INTS3: variants seen among roughly 807,000 people sequenced by gnomAD.
INTS3 encodes integrator complex subunit 3.
Under a neutral mutation model 146.3 loss-of-function variants are expected in INTS3, and 34 were observed. The observed-to-expected ratio is 0.23, with a 90% CI of 0.18 to 0.31. INTS3 has a LOEUF of 0.31. Ranked by LOEUF, INTS3 falls within the 10% of genes least tolerant of loss-of-function variation. INTS3 has a pLI of 1.00. For missense variants in INTS3, 757 were observed against 1,304.2 expected (o/e 0.58, Z 6.46); for synonymous variants, 475 against 494.9 (o/e 0.96, Z 0.53).
At chr1:153,732,310 T>C (rs1671097552) in intron 1 of INTS3, among the ~76,000 whole-genome samples, 1 of 152,186 alleles carries the variant, frequency 6.6e-6, no homozygotes, top group African/African-American at 2.4e-5. Flanking sequence ...GTGAGGAGTC[T>C]CCAGGGACTG....
intron 13 of INTS3, chr1:153,761,172 G>T: frequency 1.1e-6 from 1 of 914,660 alleles, no homozygotes; most frequent in Non-Finnish European, 1.6e-6. Flanking sequence ...GGTCCAGTTA[G>T]ACTGATTGTG....
In INTS3 at chr1:153,754,621, TC is replaced by T; in HGVS notation, c.860-18del. On this transcript the variant is annotated intron_variant, in intron 8 of 29. Transcript: ENST00000318967. ...GGTCCTTAGGCTTCCTCTTTTCTCT[TC>T]CCTTCCACATTTGATTCAGGTATCC... The T allele has an allele frequency of 6.5e-7, 1 of 1,529,444 alleles. No homozygotes were observed. Among genetic ancestry groups the T allele is most frequent in the South Asian group, 1.1e-5 (1 of 89,282 alleles). 94.7% of individuals were successfully genotyped at this position (1,529,444 alleles called of 1,614,324 possible).
At chr1:153,730,078 A>G (rs1191137426) in intron 1 of INTS3, among the ~76,000 whole-genome samples, 1 of 152,150 alleles carries the variant, frequency 6.6e-6, no homozygotes, top group East Asian at 1.9e-4. Flanking sequence ...TAGATTTGAA[A>G]AAATGGGTCA....
intron 6 of INTS3, among the ~76,000 whole-genome samples, chr1:153,748,991 T>C (rs1460166968): frequency 1.3e-5 from 2 of 152,184 alleles, no homozygotes; most frequent in African/African-American, 4.8e-5. Context: ...AAAAACTGGC[T>C]TCATCTGATA....
At chr1:153,735,029 G>A (rs1304187272) in intron 1 of INTS3, among the ~76,000 whole-genome samples, 1 of 152,116 alleles carries the variant, frequency 6.6e-6, no homozygotes, top group Non-Finnish European at 1.5e-5. Flanking sequence ...GTGCAGTGGC[G>A]TGATCATGGC....
chr1:153,736,915 C>T (rs959165630), intron 1 of INTS3, among the ~76,000 whole-genome samples: 1 of 151,958 alleles, frequency 6.6e-6, no homozygotes, highest in Admixed American at 6.6e-5. Context: ...AGGCGCCTGC[C>T]ACCATGCCCG....
intron 1 of INTS3, among the ~76,000 whole-genome samples, chr1:153,729,122 T>C (rs1018671753): frequency 5.9e-5 from 9 of 152,206 alleles, no homozygotes; most frequent in Non-Finnish European, 1.3e-4. Context: ...TGTTTCAGAC[T>C]TAGGTCAATA....
intron 3 of INTS3, among the ~76,000 whole-genome samples, chr1:153,743,606 C>T (rs1449607062): frequency 3.5e-5 from 2 of 56,592 alleles, no homozygotes; most frequent in Non-Finnish European, 5.0e-5. Context: ...TCACTTGTAC[C>T]TTCTTGATTT....
At chr1:153,738,924 G>T in intron 1 of INTS3, among the ~76,000 whole-genome samples, 1 of 144,046 alleles carries the variant, frequency 6.9e-6, no homozygotes, top group Non-Finnish European at 1.5e-5. Flanking sequence ...ACAGTGTCTC[G>T]CTCTTGTCAT....
At position 153,762,773 on chromosome 1, in the gene INTS3, C is replaced by T. The variant is rs748920591; in HGVS notation, c.1562C>T (p.Ser521Leu). 13 of 1,613,916 alleles carry T rather than the reference C, an allele frequency of 8.1e-6. No individual in the cohort carries two copies. The Admixed American group carries it at 1.7e-4, about 21-fold the overall frequency. ...PVSMEMDNHM[S>L]DKDESCYDNA... ...TCCATGGAGATGGACAACCATATGT[C>T]GGATAAGGATGAGAGTTGCTATGAC... The change falls in exon 15 of 30, where the codon TCG becomes TTG. Residue 521 changes from serine (S) to leucine (L), a missense_variant. Coordinates refer to ENST00000318967, the MANE Select transcript of INTS3 (RefSeq NM_023015.5).
At chr1:153,770,344 A>C in intron 24 of INTS3, 33 bp downstream of exon 24, 1 of 1,273,748 alleles carries the variant, frequency 7.9e-7, no homozygotes, top group Non-Finnish European at 1.2e-6. Flanking sequence ...AGCACATCAG[A>C]TATGACACTT....
chr1:153,758,337 C>G (rs752405520), intron 10 of INTS3, among the ~76,000 whole-genome samples: 3 of 152,194 alleles, frequency 2.0e-5, no homozygotes, highest in Non-Finnish European at 4.4e-5. Context: ...GATATGACAA[C>G]AGGCTATTCC....
In INTS3 at chr1:153,759,934, A is replaced by G. The variant is rs559715135; in HGVS notation, c.1237+321A>G. The G allele has an allele frequency of 2.0e-5, 10 of 492,270 alleles. No homozygotes were observed. In the East Asian group the frequency reaches 2.8e-4, roughly 14 times the overall value. 30.5% of individuals were successfully genotyped at this position (492,270 alleles called of 1,614,324 possible). On this transcript the variant is annotated intron_variant, in intron 11 of 29. Coordinates refer to ENST00000318967, the MANE Select transcript of INTS3 (RefSeq NM_023015.5). Reference sequence around the variant, plus strand: ...CCCTTCTCAAAGCTGAATGCTGGGAACAAGAAGGGAAATGAGGGCTACAAG... The same window carrying G: ...CCCTTCTCAAAGCTGAATGCTGGGAGCAAGAAGGGAAATGAGGGCTACAAG...
intron 1 of INTS3, among the ~76,000 whole-genome samples, chr1:153,736,106 G>A (rs1196035193): frequency 2.0e-5 from 3 of 152,158 alleles, no homozygotes; most frequent in Admixed American, 6.6e-5. Flanking sequence ...TATAGGAGGT[G>A]GACTAGGTAA....
rs1157794937 is a variant in INTS3, at chr1:153,772,617, G to A, written c.2822-22G>A. 1 of 1,614,116 alleles carries A rather than the reference G, an allele frequency of 6.2e-7. No homozygotes were observed. Among genetic ancestry groups the A allele is most frequent in the East Asian group, 2.2e-5 (1 of 44,874 alleles). On this transcript the variant is annotated intron_variant, in intron 27 of 29. Transcript: ENST00000318967. This position sits in a 1 kb window ranked among gnomAD's most constrained non-coding sequence, Gnocchi z 4.6. ...GACATCTGATTGTTTTTCCTTCCCT[G>A]CTCTCCCTTTTCTTCCTCTAGTTTT...
intron 16 of INTS3, 87 bp downstream of exon 16, chr1:153,763,449 T>C: frequency 7.0e-7 from 1 of 1,434,196 alleles, no homozygotes; most frequent in East Asian, 2.3e-5. Context: ...GAGATGGGGG[T>C]TGGAGGCAAA....
chr1:153,757,541 A>G lies in INTS3; in HGVS notation c.958-31A>G, dbSNP rs1285225510. 25 of 1,604,364 alleles carry G rather than the reference A, an allele frequency of 1.6e-5. No individual in the cohort carries two copies. The Admixed American group carries it at 3.5e-4, about 23-fold the overall frequency. ...GGCCAAGGACCCCACACTGTCTTCT[A>G]AGGTCTTTTTCTTGCTTCCCCTTTC... On this transcript the variant is annotated intron_variant, in intron 9 of 29. Coordinates refer to ENST00000318967, the MANE Select transcript of INTS3 (RefSeq NM_023015.5). This position sits in a 1 kb window ranked among gnomAD's most constrained non-coding sequence, Gnocchi z 4.0.
chr1:153,769,186 T>C (rs549628161), intron 22 of INTS3, among the ~76,000 whole-genome samples: 4 of 152,328 alleles, frequency 2.6e-5, no homozygotes, highest in African/African-American at 9.6e-5. Context: ...GTTCCCCTTA[T>C]TCTCCATATT....
At chr1:153,760,243 A>C in intron 11 of INTS3, 68 bp from the exon 12 acceptor site, 2 of 937,532 alleles carry the variant, frequency 2.1e-6, no homozygotes, top group Non-Finnish European at 3.1e-6. Context: ...AAAAAAAAAA[A>C]AAAAAAAAAA....
Sources: allele counts gnomAD v4.1 joint callset (sites outside exome capture counted in the v4.1 genomes callset), GRCh38; gene constraint gnomAD v4.1.1; non-coding constraint Gnocchi (gnomAD v3.1); transcripts MANE v1.5; gene names NCBI Gene and HGNC (gene_info 2026-07-23, HGNC 2026-07-21).